Variants in FMNL1 observed in about 807,000 individuals in gnomAD.
FMNL1 encodes the protein formin like 1.
FMNL1 carries 43 observed loss-of-function variants against 121.3 expected under a neutral mutation model. That is an observed-to-expected ratio of 0.35 (90% CI 0.28 to 0.46). The LOEUF (loss-of-function observed/expected upper bound fraction) is 0.46. FMNL1 is among the 20% of genes least tolerant of loss of function. The pLI is 1.00. For synonymous variants in FMNL1, 613 were observed against 613.5 expected (o/e 1.00, Z 0.01); for missense variants, 1,191 against 1,482.4 (o/e 0.80, Z 3.23).
At chr17:45,245,507 TG>T (rs753966319) in intron 22 of FMNL1, 91 bp downstream of exon 22, 4 of 1,603,950 alleles carry the variant, frequency 2.5e-6, no homozygotes, top group Non-Finnish European at 2.6e-6. Flanking sequence ...TGGGACCCCT[TG>T]GGGGGATGCA....
In FMNL1 at chr17:45,224,635, G is replaced by T. The variant is rs373268958; in HGVS notation, c.129+2382G>T. Among the ~76,000 whole-genome samples, 3 of 152,228 alleles carry T rather than the reference G, an allele frequency of 2.0e-5. No individual in the cohort carries two copies. The East Asian group carries it at 5.8e-4, about 29-fold the overall frequency. ...CTCTCCTGGCTGTAGGACCTCTCTT[G>T]TGGGTGAGGGGTGTCCCCACTTACA... On this transcript the variant is annotated intron_variant, in intron 1 of 26. Transcript: ENST00000331495.
intron 16 of FMNL1, 143 bp downstream of exon 16, chr17:45,242,608 A>G (rs932922188): frequency 4.6e-6 from 6 of 1,295,682 alleles, no homozygotes; most frequent in Non-Finnish European, 6.3e-6. Flanking sequence ...GCATTAAGCC[A>G]GACTGGACCA....
chr17:45,242,277 T>A, intron 15 of FMNL1, 64 bp from the exon 16 acceptor site: 1 of 1,593,552 alleles, frequency 6.3e-7, no homozygotes, highest in Non-Finnish European at 8.6e-7. Context: ...CAGCCCTCCC[T>A]GGGCCCAGGT....
At chr17:45,227,939 G>A (rs540685907) in intron 1 of FMNL1, among the ~76,000 whole-genome samples, 1 of 152,126 alleles carries the variant, frequency 6.6e-6, no homozygotes, top group Non-Finnish European at 1.5e-5. Context: ...GCAGCTCATA[G>A]CTGTCCCTCC....
In FMNL1 at chr17:45,243,838, G is replaced by A. The variant is rs768597957; in HGVS notation, c.2261G>A (p.Arg754His). The A allele has an allele frequency of 2.0e-5, 32 of 1,613,342 alleles. No individual in the cohort carries two copies. The highest frequency in any genetic ancestry group is 1.6e-4 in the Middle Eastern group (1 of 6,082). Residue 754 changes from arginine (R) to histidine (H), a missense_variant, in exon 18 of 27, where the codon CGC becomes CAC. By Grantham distance (29) the Arg-to-His change is conservative. Transcript: ENST00000331495. ...LGLDFLELLM[R>H]FLPTEYERSL... ...CTGGACTTCCTGGAGCTGCTGATGC[G>A]CTTCCTGCCCACAGAGTATGAGCGC...
chr17:45,233,711 C>G lies in FMNL1; in HGVS notation c.465C>G (p.Ala155=), dbSNP rs1353356306. The G allele has an allele frequency of 6.2e-6, 10 of 1,613,932 alleles. No individual in the cohort carries two copies. Among genetic ancestry groups the G allele is most frequent in the Admixed American group, 1.7e-5 (1 of 59,986 alleles). Residue 155 remains alanine, a synonymous_variant, in exon 5 of 27, where the codon GCC becomes GCG. Transcript: ENST00000331495. The surrounding 1 kb of genome is among the most constrained non-coding windows in gnomAD (Gnocchi z 4.1). The stretch of plus-strand genomic sequence containing the variant: ...TGGATGTGCTGCTCGAGTACCTGGC[C>G]TTTGCCCAGTGCTCTGTCACGTAAG... The part of the protein sequence containing the change: ...RGLDVLLEYL[A]FAQCSVTYDM...
rs1235553631 is a variant in FMNL1 at position 45,234,683 on chromosome 17, AAAAAG to A, written c.614+498_614+502del. On this transcript the variant is annotated intron_variant, in intron 6 of 26. Transcript: ENST00000331495. ...TGTCTCAAAAAAAAAAAAAAAAAAA[AAAAAG>A]AAAAGAAAAGAAAAAAGAAGCCATC... 8.2e-5 allele frequency: 13 copies of A among 157,878 alleles called. 1 individual carries two copies. The highest frequency in any genetic ancestry group is 1.2e-4 in the Non-Finnish European group (9 of 77,560). 9.8% of individuals were successfully genotyped at this position (157,878 alleles called of 1,614,324 possible). A position where few individuals can be genotyped will look rare whatever the true frequency, so the allele number is the denominator to read the frequency against.
At chr17:45,226,199 C>T (rs962307697) in intron 1 of FMNL1, among the ~76,000 whole-genome samples, 1 of 152,200 alleles carries the variant, frequency 6.6e-6, no homozygotes, top group Non-Finnish European at 1.5e-5. Context: ...GGCCGGAAAC[C>T]GCTGGAGGGA....
intron 9 of FMNL1, chr17:45,238,030 T>G: frequency 4.7e-6 from 1 of 213,984 alleles, no homozygotes; most frequent in Non-Finnish European, 9.6e-6. Context: ...CATTCATTCA[T>G]TCCTTTAATG....
chr17:45,224,471 C>T (rs568980104), intron 1 of FMNL1, among the ~76,000 whole-genome samples: 4 of 152,302 alleles, frequency 2.6e-5, no homozygotes, highest in South Asian at 2.1e-4. Flanking sequence ...AGGGGCCCAC[C>T]GCCATCAGTG....
rs372669041 is a variant in FMNL1, at chr17:45,242,067, TCCG to T, written c.1830_1832del (p.Pro612del). The stretch of plus-strand genomic sequence containing the variant: ...CTCCGGGCACTGACGGGCCGGTGCC[TCCG>T]CCGCCGCCGCCGCCGCCGCCGCCTC... On this transcript the variant is annotated inframe_deletion, in exon 15 of 27. Coordinates refer to ENST00000331495, the MANE Select transcript of FMNL1 (RefSeq NM_005892.4). 225,249 of 1,432,578 alleles carry T rather than the reference TCCG, an allele frequency of 0.16. 22,467 individuals are homozygous for T. The highest frequency in any genetic ancestry group is 0.55 in the African/African-American group (37,754 of 68,882). 88.7% of individuals were successfully genotyped at this position (1,432,578 alleles called of 1,614,324 possible). A position where few individuals can be genotyped will look rare whatever the true frequency, so the allele number is the denominator to read the frequency against.
At position 45,244,211 on chromosome 17, in the gene FMNL1, C is replaced by T. The variant is rs755684047; in HGVS notation, c.2484C>T (p.Ile828=). The change falls in exon 19 of 27, where the codon ATC becomes ATT. Residue 828 remains isoleucine, a synonymous_variant. Transcript: ENST00000331495. The part of the protein sequence containing the change: ...LNAIIAASMS[I]KSSDKLRQIL... ...CCATCATTGCAGCCTCAATGTCCAT[C>T]AAGTCCTCTGACAAACTCCGCCAGA... The T allele has an allele frequency of 1.2e-5, 19 of 1,613,032 alleles. No individual in the cohort carries two copies. The South Asian group carries it at 1.8e-4, about 15-fold the overall frequency.
Position 45,240,618 on chromosome 17 carries a change from T to C in FMNL1, c.1223T>C (p.Val408Ala). The C allele has an allele frequency of 1.9e-6, 3 of 1,613,204 alleles. No homozygotes were observed. The highest frequency in any genetic ancestry group is 2.5e-6 in the Non-Finnish European group (3 of 1,179,748). The change falls in exon 12 of 27, where the codon GTG becomes GCG. Residue 408 changes from valine (V) to alanine (A), a missense_variant. Coordinates refer to ENST00000331495, the MANE Select transcript of FMNL1 (RefSeq NM_005892.4). ...LEHMEELQEQVALLTERLRDA... is the reference protein window; with the variant it reads ...LEHMEELQEQAALLTERLRDA... ...CACATGGAGGAACTGCAGGAGCAAG[T>C]GGCGCTGGTGAGAGTGGGTCCTGAC... is the stretch of plus-strand genomic sequence containing the variant.
chr17:45,242,135 A>C lies in FMNL1; in HGVS notation c.1874A>C (p.Glu625Ala). Residue 625 changes from glutamate to alanine, a missense_variant, in exon 15 of 27, where the codon GAA (glutamate) becomes GCA (alanine). By Grantham distance (107) the Glu-to-Ala change is moderately radical (BLOSUM62 -1). Around this residue, in one of 4 missense-constraint regions of FMNL1, gnomAD observed 519 missense variants for 492.8 expected, o/e 1.05. Coordinates refer to ENST00000331495, the MANE Select transcript of FMNL1 (RefSeq NM_005892.4). Reference protein sequence around the residue: ...PPDALGRRDSELGPGVKAKKP... With the variant: ...PPDALGRRDSALGPGVKAKKP... Reference sequence around the variant, plus strand: ...GATGCCCTAGGAAGACGCGACTCAGAATTGGGCCCAGGTGAGTGGAGTGGA... The same window carrying C: ...GATGCCCTAGGAAGACGCGACTCAGCATTGGGCCCAGGTGAGTGGAGTGGA... 1 of 1,536,118 alleles carries C rather than the reference A, an allele frequency of 6.5e-7. No homozygotes were observed. The highest frequency in any genetic ancestry group is 8.8e-7 in the Non-Finnish European group (1 of 1,141,180).
Position 45,241,993 on chromosome 17 carries a change from C to G in FMNL1, c.1732C>G (p.Pro578Ala). Reference protein sequence around the residue: ...LPGSPEPPPAPPLPGDLPPPP... With the variant: ...LPGSPEPPPAAPLPGDLPPPP... Reference sequence around the variant, plus strand: ...TGGCAGCCCGGAGCCCCCGCCTGCGCCGCCGCTGCCCGGAGACCTGCCGCC... The same window carrying G: ...TGGCAGCCCGGAGCCCCCGCCTGCGGCGCCGCTGCCCGGAGACCTGCCGCC... The change falls in exon 15 of 27, where the codon CCG (proline) becomes GCG (alanine). Residue 578 changes from proline (P) to alanine (A), a missense_variant. Around this residue, in one of 4 missense-constraint regions of FMNL1, gnomAD observed 519 missense variants for 492.8 expected, o/e 1.05. Coordinates refer to ENST00000331495, the MANE Select transcript of FMNL1 (RefSeq NM_005892.4). This position sits in a 1 kb window ranked among gnomAD's most constrained non-coding sequence, Gnocchi z 7.0. The G allele has an allele frequency of 7.0e-6, 9 of 1,291,890 alleles. No individual in the cohort carries two copies. The highest frequency in any genetic ancestry group is 8.8e-6 in the Non-Finnish European group (9 of 1,018,630). The allele number at this position is 1,291,890 out of a possible 1,614,324, so 80.0% of individuals were successfully genotyped here.
intron 11 of FMNL1, 86 bp from the exon 12 acceptor site, chr17:45,240,385 TGGATG>T: frequency 7.1e-7 from 1 of 1,411,818 alleles, no homozygotes; most frequent in South Asian, 1.6e-5. Flanking sequence ...CCCCTTCCTC[TGGATG>T]GCAGTGGTGG....
Position 45,245,356 on chromosome 17 carries a change from G to A in FMNL1, c.2832G>A (p.Glu944=), listed in dbSNP as rs745771351. The A allele has an allele frequency of 6.2e-7, 1 of 1,614,216 alleles. No individual in the cohort carries two copies. Among genetic ancestry groups the A allele is most frequent in the Non-Finnish European group, 8.5e-7 (1 of 1,180,032 alleles). Residue 944 remains glutamate (E), a synonymous_variant, in exon 22 of 27, where the codon GAG becomes GAA. Coordinates refer to ENST00000331495, the MANE Select transcript of FMNL1 (RefSeq NM_005892.4). ...VRQDDCMVLK[E]FLRANSPTMD... ...AGGATGACTGCATGGTGCTCAAGGA[G>A]TTCCTGAGGGCCAACTCGCCCACCA...
intron 20 of FMNL1, 39 bp downstream of exon 20, chr17:45,244,938 A>T (rs746158290): frequency 6.2e-7 from 1 of 1,612,310 alleles, no homozygotes; most frequent in East Asian, 2.2e-5. Flanking sequence ...GGGGCTGGGG[A>T]CTGGCTGGTG....
chr17:45,244,998 C>A lies in FMNL1; in HGVS notation c.2618C>A (p.Thr873Asn), dbSNP rs2043796228. ...GTGCAGCTGTTGGAGATGAAGTCGA[C>A]TGATCGCAAGCAGACGCTGCTGCAC... ...SLDALLEMKS[T>N]DRKQTLLHYL... Residue 873 changes from threonine (T) to asparagine (N), a missense_variant, in exon 21 of 27, where the codon ACT (threonine) becomes AAT (asparagine). Transcript: ENST00000331495. The A allele has an allele frequency of 5.0e-6, 8 of 1,613,698 alleles. No homozygotes were observed. Among genetic ancestry groups the A allele is most frequent in the Non-Finnish European group, 6.8e-6 (8 of 1,179,654 alleles).
Sources: gnomAD v4.1 joint callset for allele counts (sites outside exome capture counted in the v4.1 genomes callset) on GRCh38, gnomAD v4.1.1 for gene constraint, gnomAD v4.1.1 regional missense constraint, Gnocchi (gnomAD v3.1) non-coding constraint, MANE v1.5 for transcripts, NCBI Gene and HGNC (gene_info 2026-07-23, HGNC 2026-07-21) for gene names.